KCNQ1: variants seen among roughly 807,000 people sequenced by gnomAD.
KCNQ1 encodes the protein potassium voltage-gated channel subfamily Q member 1.
In KCNQ1, 49 loss-of-function variants were observed where a neutral mutation model predicts 72.4. The ratio of observed to expected loss-of-function variants is 0.68; its 90% CI spans 0.54 to 0.86. The LOEUF is 0.86. Among genes scored for constraint, KCNQ1 ranks in the 40% least tolerant of loss-of-function variants. KCNQ1 has a pLI of 0.00. For missense variants in KCNQ1, 790 were observed against 945.1 expected (o/e 0.84, Z 2.15); for synonymous variants, 450 against 412.6 (o/e 1.09, Z -1.10).
intron 2 of KCNQ1, among the ~76,000 whole-genome samples, chr11:2,542,777 C>A (rs576344922): frequency 2.4e-4 from 37 of 152,324 alleles, no homozygotes; most frequent in African/African-American, 8.4e-4. Context: ...ATAATTCATT[C>A]CTTTTTCATT....
At chr11:2,795,563 T>C (rs903082768) in intron 15 of KCNQ1, among the ~76,000 whole-genome samples, 1 of 151,960 alleles carries the variant, frequency 6.6e-6, no homozygotes, top group African/African-American at 2.4e-5. Context: ...AGGCCCCTGA[T>C]CTAAACCACC....
At chr11:2,822,780 T>C (rs1847764663) in intron 15 of KCNQ1, among the ~76,000 whole-genome samples, 1 of 152,100 alleles carries the variant, frequency 6.6e-6, no homozygotes, top group African/African-American at 2.4e-5. Context: ...CCCCAAAGGA[T>C]GTGAGGCAAG....
chr11:2,842,565 T>G (rs1477508350), intron 15 of KCNQ1, among the ~76,000 whole-genome samples: 5 of 152,154 alleles, frequency 3.3e-5, no homozygotes. Context: ...TAATGGAAAG[T>G]GAAGGGAATT....
At chr11:2,747,542 C>T (rs1365216676) in intron 11 of KCNQ1, among the ~76,000 whole-genome samples, 8 of 152,210 alleles carry the variant, frequency 5.3e-5, no homozygotes, top group Non-Finnish European at 8.8e-5. Context: ...AGGCATCCAC[C>T]GTGTGCCAGT....
At chr11:2,535,375 AC>A (rs1233883340) in intron 2 of KCNQ1, among the ~76,000 whole-genome samples, 1 of 152,030 alleles carries the variant, frequency 6.6e-6, no homozygotes, top group Non-Finnish European at 1.5e-5. Context: ...GTCAGGGTCG[AC>A]CCCTGATGTC....
At position 2,562,063 on chromosome 11, in the gene KCNQ1, C is replaced by T. The variant is rs979559511; in HGVS notation, c.478-8565C>T. Among the ~76,000 whole-genome samples the T allele has an allele frequency of 6.6e-6, 1 of 152,158 alleles. No individual in the cohort carries two copies. Among genetic ancestry groups the T allele is most frequent in the African/African-American group, 2.4e-5 (1 of 41,440 alleles). On this transcript the variant is annotated intron_variant, in intron 2 of 15. Transcript: ENST00000155840. The surrounding 1 kb of genome is among the most constrained non-coding windows in gnomAD (Gnocchi z 7.5). The stretch of plus-strand genomic sequence containing the variant: ...TGGCAGGGCAGGGTCATGTCCCCAG[C>T]AGTAAGGCCAGGACAGGGCAGCCGG...
In KCNQ1 at chr11:2,740,775, G is replaced by A. The variant is rs1417367047; in HGVS notation, c.1515-28069G>A. ...CTCCTTCACCCTCAAAGGCGGCTGC[G>A]GCTCATGGCATCCTCACATCACAGA... is the stretch of plus-strand genomic sequence containing the variant. On this transcript the variant is annotated intron_variant, in intron 11 of 15. Transcript: ENST00000155840. Among the ~76,000 whole-genome samples the A allele has an allele frequency of 4.6e-5, 7 of 152,310 alleles. No individual in the cohort carries two copies. In the South Asian group the frequency reaches 1.2e-3, roughly 27 times the overall value.
chr11:2,699,921 T>C, intron 11 of KCNQ1: 1 of 398,342 alleles, frequency 2.5e-6, no homozygotes, highest in Non-Finnish European at 4.4e-6. Flanking sequence ...AGAATCGCGC[T>C]GAGGGGCGCC....
intron 15 of KCNQ1, among the ~76,000 whole-genome samples, chr11:2,778,833 G>T (rs1564890323): frequency 6.6e-6 from 1 of 152,190 alleles, no homozygotes; most frequent in African/African-American, 2.4e-5. Context: ...CCCTGGCAAC[G>T]CCTGGCTCTG....
At chr11:2,796,981 C>T (rs779330362) in intron 15 of KCNQ1, among the ~76,000 whole-genome samples, 2 of 152,314 alleles carry the variant, frequency 1.3e-5, no homozygotes, top group East Asian at 1.9e-4. Flanking sequence ...GCCAGAGAGG[C>T]GAAATTAGAT....
chr11:2,672,500 G>C lies in KCNQ1; in HGVS notation c.1514+10419G>C, dbSNP rs144511647. On this transcript the variant is annotated intron_variant, in intron 11 of 15. Transcript: ENST00000155840. Reference sequence around the variant, plus strand: ...CCCCACATTCCATGGCAGTGCCTAGGAGCTCTGTGCTCCCAGGCCTCTCCA... The same window carrying C: ...CCCCACATTCCATGGCAGTGCCTAGCAGCTCTGTGCTCCCAGGCCTCTCCA... 7.5e-6 allele frequency: 3 copies of C among 398,644 alleles called. No homozygotes were observed. The East Asian group carries it at 1.1e-4, about 14-fold the overall frequency. 24.7% of individuals were successfully genotyped at this position (398,644 alleles called of 1,614,324 possible).
intron 15 of KCNQ1, among the ~76,000 whole-genome samples, chr11:2,822,247 C>T (rs1847752716): frequency 6.6e-6 from 1 of 152,208 alleles, no homozygotes; most frequent in Admixed American, 6.5e-5. Flanking sequence ...GACTCCTGAC[C>T]TCCAGTGCTG....
rs1269099915 is a variant in KCNQ1, at chr11:2,488,670, TTTTA to T, written c.387-39254_387-39251del. 6.6e-6 allele frequency among the ~76,000 whole-genome samples: 1 copy of T among 152,222 alleles called. No homozygotes were observed. Among genetic ancestry groups the T allele is most frequent in the African/African-American group, 2.4e-5 (1 of 41,458 alleles). On this transcript the variant is annotated intron_variant, in intron 1 of 15. Transcript: ENST00000155840. The surrounding 1 kb of genome is among the most constrained non-coding windows in gnomAD (Gnocchi z 5.1). Reference sequence around the variant, plus strand: ...GTTCACAATACTCTCTTATAATCCTTTTTATTTCTGTAGAATTGATAGTCATGTC... The same window carrying T: ...GTTCACAATACTCTCTTATAATCCTTTTTCTGTAGAATTGATAGTCATGTC...
rs1443109170 is a variant in KCNQ1, at chr11:2,764,633, TAC to T, written c.1515-4209_1515-4208del. On this transcript the variant is annotated intron_variant, in intron 11 of 15. Coordinates refer to ENST00000155840, the MANE Select transcript of KCNQ1 (RefSeq NM_000218.3). This position sits in a 1 kb window ranked among gnomAD's most constrained non-coding sequence, Gnocchi z 4.8. The stretch of plus-strand genomic sequence containing the variant: ...GAATTTACTGGTGATGTCGTCTAGA[TAC>T]AGAGTTTTCTTTGCCAGAAGATCAT... Among the ~76,000 whole-genome samples the T allele has an allele frequency of 6.6e-6, 1 of 152,236 alleles. No individual in the cohort carries two copies. The highest frequency in any genetic ancestry group is 1.5e-5 in the Non-Finnish European group (1 of 68,040).
chr11:2,838,993 C>T (rs1848145655), intron 15 of KCNQ1, among the ~76,000 whole-genome samples: 1 of 148,426 alleles, frequency 6.7e-6, no homozygotes. Flanking sequence ...GGGACGAGCC[C>T]TGCCCGGGGT....
At chr11:2,786,593 T>A (rs943195193) in intron 15 of KCNQ1, among the ~76,000 whole-genome samples, 23 of 151,808 alleles carry the variant, frequency 1.5e-4, no homozygotes, top group Non-Finnish European at 1.3e-4. Context: ...TTTTTTTTTT[T>A]AAATCACTTT....
chr11:2,792,072 C>T (rs765837206), intron 15 of KCNQ1, among the ~76,000 whole-genome samples: 31 of 152,234 alleles, frequency 2.0e-4, no homozygotes, highest in South Asian at 4.1e-4. Context: ...GTTCCGCGTC[C>T]GCTGCTTCCC....
chr11:2,796,845 G>A (rs1847144361), intron 15 of KCNQ1, among the ~76,000 whole-genome samples: 1 of 152,186 alleles, frequency 6.6e-6, no homozygotes, highest in Non-Finnish European at 1.5e-5. Context: ...CAGATGTGGC[G>A]GTGAGAAAAC....
intron 15 of KCNQ1, among the ~76,000 whole-genome samples, chr11:2,793,274 C>G (rs981666444): frequency 1.3e-5 from 2 of 152,198 alleles, no homozygotes; most frequent in South Asian, 2.1e-4. Context: ...GTGGAAATTG[C>G]ACTAGCAGGG....
Sources: allele counts gnomAD v4.1 joint callset (sites outside exome capture counted in the v4.1 genomes callset), GRCh38; gene constraint gnomAD v4.1.1; non-coding constraint Gnocchi (gnomAD v3.1); transcripts MANE v1.5; gene names NCBI Gene and HGNC (gene_info 2026-07-23, HGNC 2026-07-21).